The following MYT1L variants were observed in gnomAD, a reference collection of about 807,000 sequenced individuals.
The protein encoded by MYT1L is myelin transcription factor 1-like protein.
In MYT1L, 12 loss-of-function variants were observed where a neutral mutation model predicts 126.7. The ratio of observed to expected loss-of-function variants is 0.09; its 90% confidence interval spans 0.06 to 0.15. The LOEUF (loss-of-function observed/expected upper bound fraction) is 0.15. Among genes scored for constraint, MYT1L ranks in the 10% least tolerant of loss-of-function variants. The pLI, the probability that MYT1L is intolerant of heterozygous loss-of-function variation, is 1.00. For synonymous variants in MYT1L, 541 were observed against 604.2 expected (o/e 0.90, Z 1.53); for missense variants, 979 against 1,585.2 (o/e 0.62, Z 6.49).
intron 4 of MYT1L, among the ~76,000 whole-genome samples, chr2:2,051,863 C>T (rs531583615): frequency 6.6e-6 from 1 of 152,180 alleles, no homozygotes; most frequent in East Asian, 1.9e-4. Context: ...GTTTCTGTCT[C>T]ATTAAGAAAC....
At chr2:2,267,491 C>G (rs2095162119) in intron 2 of MYT1L, among the ~76,000 whole-genome samples, 1 of 151,984 alleles carries the variant, frequency 6.6e-6, no homozygotes, top group African/African-American at 2.4e-5. Flanking sequence ...ATACACCATA[C>G]TGGGGGAAAT....
chr2:1,983,588 C>T (rs2060772411), intron 5 of MYT1L, among the ~76,000 whole-genome samples: 1 of 152,194 alleles, frequency 6.6e-6, no homozygotes, highest in African/African-American at 2.4e-5. Context: ...TTCAGGACTC[C>T]CCAGCCCCTC....
chr2:1,796,474 A>T (rs1302152641), intron 23 of MYT1L, among the ~76,000 whole-genome samples: 1 of 152,150 alleles, frequency 6.6e-6, no homozygotes, highest in Non-Finnish European at 1.5e-5. Flanking sequence ...AAAGTGGTGC[A>T]GGCTGTGGGA....
At position 2,179,597 on chromosome 2, in the gene MYT1L, T is replaced by C. The variant is rs1228980401; in HGVS notation, c.-420-6609A>G. Among the ~76,000 whole-genome samples the C allele has an allele frequency of 3.3e-5, 5 of 152,124 alleles. No homozygotes were observed. In the East Asian group the frequency reaches 7.7e-4, roughly 23 times the overall value. On this transcript the variant is annotated intron_variant, in intron 2 of 24. Transcript: ENST00000647738. ...TTCACACACAAACACGTAAAGGAGG[T>C]AGAATTATGCCTGTTTTACAGATGA...
At chr2:2,022,554 T>A (rs2065139795) in intron 4 of MYT1L, among the ~76,000 whole-genome samples, 1 of 152,126 alleles carries the variant, frequency 6.6e-6, no homozygotes, top group Non-Finnish European at 1.5e-5. Context: ...CCTTTTCCGG[T>A]CTGGAAGTAT....
At chr2:2,318,072 G>A (rs551158775) in intron 1 of MYT1L, among the ~76,000 whole-genome samples, 1 of 152,294 alleles carries the variant, frequency 6.6e-6, no homozygotes, top group Admixed American at 6.5e-5. Flanking sequence ...TGCCCAATCA[G>A]CAAGCCTCAC....
chr2:1,850,176 C>T (rs2043051150), intron 19 of MYT1L, among the ~76,000 whole-genome samples: 1 of 130,374 alleles, frequency 7.7e-6, no homozygotes, highest in Non-Finnish European at 1.7e-5. Flanking sequence ...CTTCCCCTCC[C>T]CCTCCCCCTT....
chr2:2,004,863 C>T (rs116768705), intron 4 of MYT1L, among the ~76,000 whole-genome samples: 5,488 of 149,112 alleles, frequency 0.037, 143 homozygotes, highest in Non-Finnish European at 0.049. Flanking sequence ...TTCCTGCATG[C>T]GTTCTTTCCT....
At chr2:1,792,236 G>T in intron 24 of MYT1L, 85 bp downstream of exon 24, 1 of 1,452,766 alleles carries the variant, frequency 6.9e-7, no homozygotes, top group South Asian at 1.4e-5. Flanking sequence ...GAAGAACCAT[G>T]AAAATAACGA....
In MYT1L at chr2:1,899,511, C is replaced by T. The variant is rs972646902; in HGVS notation, c.2032+3569G>A. ...AGTGGATGCTCAGTCCTCCTCCCCT[C>T]AGCCCCTCTGTCAGCCTGCGTGGAT... On this transcript the variant is annotated intron_variant, in intron 14 of 24. Transcript: ENST00000647738. 2.0e-5 allele frequency among the ~76,000 whole-genome samples: 3 copies of T among 152,372 alleles called. No homozygotes were observed. The South Asian group carries it at 6.2e-4, about 32-fold the overall frequency.
chr2:2,300,252 A>G, intron 1 of MYT1L, among the ~76,000 whole-genome samples: 1 of 152,236 alleles, frequency 6.6e-6, no homozygotes, highest in East Asian at 1.9e-4. Context: ...GAGTAGAGGC[A>G]TTTGACTTCT....
At chr2:2,287,930 T>G (rs2095546272) in intron 1 of MYT1L, among the ~76,000 whole-genome samples, 1 of 152,208 alleles carries the variant, frequency 6.6e-6, no homozygotes, top group Non-Finnish European at 1.5e-5. Flanking sequence ...GAGTAATAGC[T>G]AAACACAAGG....
chr2:2,251,212 T>G (rs2094639691), intron 2 of MYT1L, among the ~76,000 whole-genome samples: 1 of 152,214 alleles, frequency 6.6e-6, no homozygotes, highest in African/African-American at 2.4e-5. Flanking sequence ...TAGAGGTGAT[T>G]TATTTTTCTC....
At chr2:2,031,628 A>T (rs2066272124) in intron 4 of MYT1L, among the ~76,000 whole-genome samples, 1 of 145,898 alleles carries the variant, frequency 6.9e-6, no homozygotes, top group Admixed American at 6.8e-5. Flanking sequence ...AGATTCTAGA[A>T]GGAGGGCCTT....
chr2:2,109,911 A>ATATATATATATATATATATATC (rs1559038954), intron 3 of MYT1L, among the ~76,000 whole-genome samples: 4 of 120,332 alleles, frequency 3.3e-5, no homozygotes, highest in African/African-American at 1.2e-4. Context: ...ATATATATAT[A>ATATATATATATATATATATATC]TATATATATA....
intron 18 of MYT1L, chr2:1,885,511 G>A (rs1445888648): frequency 6.6e-6 from 1 of 152,666 alleles, no homozygotes; most frequent in East Asian, 1.9e-4. Flanking sequence ...AAGATGACAT[G>A]GGTGTGAAAT....
At chr2:1,847,439 T>C in intron 19 of MYT1L, among the ~76,000 whole-genome samples, 1 of 152,104 alleles carries the variant, frequency 6.6e-6, no homozygotes, top group East Asian at 1.9e-4. Context: ...CTTGGAGCTC[T>C]TGCTGCTTGC....
chr2:2,025,412 T>G (rs2065440424), intron 4 of MYT1L, among the ~76,000 whole-genome samples: 1 of 152,246 alleles, frequency 6.6e-6, no homozygotes, highest in South Asian at 2.1e-4. Context: ...GTGTTTATCT[T>G]GTCTGGTATT....
At chr2:2,271,045 G>C (rs1341616575) in intron 2 of MYT1L, among the ~76,000 whole-genome samples, 1 of 152,178 alleles carries the variant, frequency 6.6e-6, no homozygotes. Flanking sequence ...TTGCTGGCTC[G>C]AGAGGTCCCG....
Sources: allele counts gnomAD v4.1 joint callset (sites outside exome capture counted in the v4.1 genomes callset), GRCh38; gene constraint gnomAD v4.1.1; transcripts MANE v1.5; gene names NCBI Gene and HGNC (gene_info 2026-07-23, HGNC 2026-07-21).